The following NRL variants were observed in gnomAD, a reference collection of about 807,000 sequenced individuals.
NRL encodes the protein neural retina leucine zipper, also known as neural retina-specific leucine zipper protein.
In NRL, 16 loss-of-function variants were observed where a neutral mutation model predicts 12.5. The ratio of observed to expected loss-of-function variants is 1.28; its 90% confidence interval spans 0.87 to 1.95. The LOEUF (loss-of-function observed/expected upper bound fraction) is 1.95, where lower values mean the gene tolerates loss of function less well. NRL is among the 30% of genes most tolerant of loss of function. The pLI is 0.00. For synonymous variants in NRL, 142 were observed against 150.9 expected, an observed-to-expected ratio of 0.94 and a Z score of 0.43; for missense variants, 314 against 325.8, an observed-to-expected ratio of 0.96 and a Z score of 0.28.
intron 1 of NRL, among the ~76,000 whole-genome samples, chr14:24,104,816 C>G (rs1020597124): frequency 2.0e-5 from 3 of 152,202 alleles, no homozygotes; most frequent in African/African-American, 7.2e-5. Flanking sequence ...GTTCTTCCCC[C>G]TGCCTGACCT....
Position 24,082,449 on chromosome 14 carries a change from C to T in NRL, c.381+19G>A, listed in dbSNP as rs2036341300. 4 of 1,611,940 alleles carry T rather than the reference C, an allele frequency of 2.5e-6. No homozygotes were observed. The East Asian group carries it at 6.7e-5, about 27-fold the overall frequency. ...TTCCTTGCCCTGCCTCCCCTCAGGCCAGCTTGCTGACCACTCACCTGGACG... is the reference window on the plus strand; with the variant it reads ...TTCCTTGCCCTGCCTCCCCTCAGGCTAGCTTGCTGACCACTCACCTGGACG... On this transcript the variant is annotated intron_variant, in intron 2 of 2. Coordinates refer to ENST00000561028, the MANE Select transcript of NRL (RefSeq NM_001354768.3).
chr14:24,084,812 G>A, intron 1 of NRL: 7 of 678,892 alleles, frequency 1.0e-5, no homozygotes, highest in Non-Finnish European at 1.3e-5. Flanking sequence ...AGGAAAGGGA[G>A]CATCTTCCCC....
At chr14:24,097,435 A>G (rs2036939189) in intron 1 of NRL, among the ~76,000 whole-genome samples, 1 of 150,986 alleles carries the variant, frequency 6.6e-6, no homozygotes, top group Non-Finnish European at 1.5e-5. Context: ...ATGGCAGCGC[A>G]TGCCTGTAAT....
intron 1 of NRL, among the ~76,000 whole-genome samples, chr14:24,090,895 CTCAT>C (rs2036609167): frequency 6.6e-6 from 1 of 152,176 alleles, no homozygotes; most frequent in Non-Finnish European, 1.5e-5. Flanking sequence ...AAACGTGGCA[CTCAT>C]TCATTCTTTT....
intron 1 of NRL, chr14:24,095,056 C>T (rs915342719): frequency 2.2e-6 from 1 of 447,162 alleles, no homozygotes; most frequent in South Asian, 1.6e-5. Flanking sequence ...CTTCTTCCTC[C>T]GTCCAGGCCT....
intron 1 of NRL, chr14:24,099,113 G>T (rs1026609301): frequency 1.9e-6 from 3 of 1,612,130 alleles, no homozygotes; most frequent in Non-Finnish European, 2.5e-6. Flanking sequence ...TGCCCGACCA[G>T]CGGGAGATCA....
Position 24,094,004 on chromosome 14 carries a change from A to G in NRL, c.-27-11129T>C. On this transcript the variant is annotated intron_variant, in intron 1 of 2. Coordinates refer to ENST00000561028, the MANE Select transcript of NRL (RefSeq NM_001354768.3). The surrounding 1 kb of genome is among the most constrained non-coding windows in gnomAD (Gnocchi z 4.1). ...CTCGTTCCTAGCTTGTTTGCCACCT[A>G]GTGTCTCTCCCGGGAGCAAGAGTCC... 1 of 510,364 alleles carries G rather than the reference A, an allele frequency of 2.0e-6. No individual in the cohort carries two copies. Among genetic ancestry groups the G allele is most frequent in the Non-Finnish European group, 3.4e-6 (1 of 291,860 alleles). The allele number at this position is 510,364 out of a possible 1,614,324, so 31.6% of individuals were successfully genotyped here.
Position 24,081,954 on chromosome 14 carries a change from A to G in NRL, c.382-386T>C, listed in dbSNP as rs1328904159. 1 of 1,234,908 alleles carries G rather than the reference A, an allele frequency of 8.1e-7. No homozygotes were observed. The allele number at this position is 1,234,908 out of a possible 1,614,324, so 76.5% of individuals were successfully genotyped here. On this transcript the variant is annotated intron_variant, in intron 2 of 2. Coordinates refer to ENST00000561028, the MANE Select transcript of NRL (RefSeq NM_001354768.3). This position sits in a 1 kb window ranked among gnomAD's most constrained non-coding sequence, Gnocchi z 4.4. ...AACGCGCTGCGTTTCCCTGTCCTGA[A>G]GCCTGCAACCCGGTGACCCTCACAG...
rs201078063 is a variant in NRL, at chr14:24,099,646, T to C, written c.-28+15076A>G. ...TGTGGCAAGACCAACCTGGCTATGATGCGGCCTGCACTGCCAGGCTGGAAA... is the reference window on the plus strand; with the variant it reads ...TGTGGCAAGACCAACCTGGCTATGACGCGGCCTGCACTGCCAGGCTGGAAA... On this transcript the variant is annotated intron_variant, in intron 1 of 2. Transcript: ENST00000561028. The C allele has an allele frequency of 8.9e-5, 143 of 1,613,976 alleles. No homozygotes were observed. Among genetic ancestry groups the C allele is most frequent in the Non-Finnish European group, 1.8e-5 (21 of 1,179,958 alleles).
Position 24,114,717 on chromosome 14 carries a change from C to T in NRL, c.-28+5G>A, listed in dbSNP as rs2037497189. The stretch of plus-strand genomic sequence containing the variant: ...CTCAGGCACCTCGCGCATTCTCCCG[C>T]CTACCTATCAATCATCGTGCTCCGC... On this transcript the variant is annotated splice_donor_5th_base_variant and intron_variant, in intron 1 of 2. Coordinates refer to ENST00000561028, the MANE Select transcript of NRL (RefSeq NM_001354768.3). 2 of 985,900 alleles carry T rather than the reference C, an allele frequency of 2.0e-6. No individual in the cohort carries two copies. Among genetic ancestry groups the T allele is most frequent in the Non-Finnish European group, 2.4e-6 (2 of 830,024 alleles). 61.1% of individuals were successfully genotyped at this position (985,900 alleles called of 1,614,324 possible).
intron 1 of NRL, chr14:24,099,706 G>A (rs2037077284): frequency 1.2e-6 from 2 of 1,613,924 alleles, no homozygotes; most frequent in East Asian, 2.2e-5. Context: ...GCTTGGATGA[G>A]GTTTGACAGT....
chr14:24,103,174 T>C (rs1693844847), intron 1 of NRL: 2 of 1,613,618 alleles, frequency 1.2e-6, no homozygotes, highest in Non-Finnish European at 8.5e-7. Context: ...ACCCCTGGTA[T>C]ACGAGGCCTT....
intron 1 of NRL, chr14:24,104,173 CCTCT>C (rs2037285929): frequency 1.7e-6 from 1 of 571,958 alleles, no homozygotes. Context: ...CACAGGCTTC[CCTCT>C]AACACCTGTC....
At chr14:24,103,815 A>C in intron 1 of NRL, 1 of 1,614,048 alleles carries the variant, frequency 6.2e-7, no homozygotes, top group Non-Finnish European at 8.5e-7. Context: ...AGCTATAGAC[A>C]CCACTCAGCT....
At chr14:24,095,208 G>C (rs1489293628) in intron 1 of NRL, 10 of 455,972 alleles carry the variant, frequency 2.2e-5, no homozygotes, top group Non-Finnish European at 4.4e-5. Flanking sequence ...GGCAGCCCTT[G>C]TGGGTGGTCT....
Position 24,114,812 on chromosome 14 carries a change from G to C in NRL, c.-118C>G. On this transcript the variant is annotated 5_prime_UTR_variant, in exon 1 of 3. Transcript: ENST00000561028. ...TGCAGCCCGCCGGCCAGGAAGCCGC[G>C]AGATGCGTGACGAGCGAAGCGCGTG... 2.0e-6 allele frequency: 2 copies of C among 985,972 alleles called. No individual in the cohort carries two copies. The highest frequency in any genetic ancestry group is 4.7e-5 in the South Asian group (1 of 21,300). 61.1% of individuals were successfully genotyped at this position (985,972 alleles called of 1,614,324 possible).
intron 1 of NRL, chr14:24,098,484 T>C: frequency 1.2e-6 from 2 of 1,614,034 alleles, no homozygotes; most frequent in African/African-American, 1.3e-5. Flanking sequence ...GGCCGCACCA[T>C]GTATGTGCTT....
Position 24,082,178 on chromosome 14 carries a change from C to A in NRL, c.381+290G>T, listed in dbSNP as rs1035258727. 5.0e-6 allele frequency: 3 copies of A among 602,164 alleles called. No homozygotes were observed. The Admixed American group carries it at 1.9e-4, about 38-fold the overall frequency. 37.3% of individuals were successfully genotyped at this position (602,164 alleles called of 1,614,324 possible). On this transcript the variant is annotated intron_variant, in intron 2 of 2. Transcript: ENST00000561028. ...CCACACACCATGTATCTGTTTACCC[C>A]CCGGAGTCGCCCACTCCCCAGCTCA...
At chr14:24,086,379 C>T (rs1426813323) in intron 1 of NRL, among the ~76,000 whole-genome samples, 1 of 152,228 alleles carries the variant, frequency 6.6e-6, no homozygotes, top group Non-Finnish European at 1.5e-5. Context: ...GATCAGATGA[C>T]ATCACTCTCT....
Sources: gnomAD v4.1 joint callset for allele counts (sites outside exome capture counted in the v4.1 genomes callset) on GRCh38, gnomAD v4.1.1 for gene constraint, Gnocchi (gnomAD v3.1) non-coding constraint, MANE v1.5 for transcripts, NCBI Gene and HGNC (gene_info 2026-07-23, HGNC 2026-07-21) for gene names.